Variants in MPHOSPH8 observed in about 807,000 individuals in gnomAD.
MPHOSPH8 encodes the protein M-phase phosphoprotein 8, also known as M-phase phosphoprotein, mpp.
MPHOSPH8 carries 45 observed loss-of-function variants against 87.3 expected under a neutral mutation model. The ratio of observed to expected loss-of-function variants is 0.52; its 90% confidence interval spans 0.41 to 0.66. The LOEUF is 0.66. MPHOSPH8 is among the 30% of genes least tolerant of loss of function. The pLI is 0.00. For synonymous variants in MPHOSPH8, 366 were observed against 376.9 expected, an observed-to-expected ratio of 0.97 and a Z score of 0.33; for missense variants, 883 against 1,020.2, an observed-to-expected ratio of 0.87 and a Z score of 1.83.
chr13:19,653,587 CAGA>C (rs2137522233), intron 5 of MPHOSPH8, among the ~76,000 whole-genome samples: 1 of 152,284 alleles, frequency 6.6e-6, no homozygotes, highest in African/African-American at 2.4e-5. Context: ...AAGTAGGCTT[CAGA>C]AGGTGGGTAA....
chr13:19,636,842 G>A (rs950298292), intron 1 of MPHOSPH8, among the ~76,000 whole-genome samples: 4 of 152,024 alleles, frequency 2.6e-5, no homozygotes, highest in Non-Finnish European at 5.9e-5. Context: ...GGTAGAATAG[G>A]GGTCTGCCTT....
intron 9 of MPHOSPH8, 61 bp from the exon 10 acceptor site, chr13:19,666,364 G>GACC (rs1397717832): frequency 6.6e-7 from 1 of 1,514,994 alleles, no homozygotes; most frequent in African/African-American, 1.4e-5. Flanking sequence ...ATGGAGAAGG[G>GACC]ACCAGCACCC....
intron 5 of MPHOSPH8, among the ~76,000 whole-genome samples, chr13:19,650,653 A>G (rs763062327): frequency 4.6e-5 from 7 of 152,186 alleles, no homozygotes; most frequent in Non-Finnish European, 5.9e-5. Flanking sequence ...TTATATTATA[A>G]ATGCTGTCCT....
At chr13:19,667,872 A>T (rs1379047172) in intron 10 of MPHOSPH8, among the ~76,000 whole-genome samples, 4 of 152,196 alleles carry the variant, frequency 2.6e-5, no homozygotes, top group Non-Finnish European at 5.9e-5. Flanking sequence ...CATGTATCAG[A>T]CAGTAGCGAA....
At chr13:19,650,497 AT>A (rs1874785618) in intron 5 of MPHOSPH8, 3 of 380,266 alleles carry the variant, frequency 7.9e-6, no homozygotes, top group Middle Eastern at 7.0e-4. Flanking sequence ...AAATTAAAAG[AT>A]TTCTGATTTT....
In MPHOSPH8 at chr13:19,661,806, G is replaced by A. The variant is rs376405101; in HGVS notation, c.1900G>A (p.Gly634Arg). The A allele has an allele frequency of 6.2e-6, 10 of 1,612,868 alleles. No individual in the cohort carries two copies. The highest frequency in any genetic ancestry group is 1.3e-5 in the African/African-American group (1 of 74,868). The change falls in exon 8 of 14, where the codon GGG becomes AGG. Residue 634 changes from glycine to arginine, a missense_variant. Gly to Arg is a moderately radical substitution (Grantham distance 125). Around this residue, in one of 3 missense-constraint regions of MPHOSPH8, gnomAD observed 741 missense variants for 841.5 expected, o/e 0.88. Transcript: ENST00000361479. ...GAKVNGRQKNGTTALIHAAEK... is the reference protein window; with the variant it reads ...GAKVNGRQKNRTTALIHAAEK... ...GAAAGTGAACGGTCGGCAGAAGAAC[G>A]GGACCACCGCCCTCATTCATGCTGC...
chr13:19,659,910 A>C (rs1410945037), intron 7 of MPHOSPH8, among the ~76,000 whole-genome samples: 1 of 147,482 alleles, frequency 6.8e-6, no homozygotes, highest in African/African-American at 2.5e-5. Context: ...ACAATGGTCC[A>C]TCTCTCCTGT....
At position 19,661,759 on chromosome 13, in the gene MPHOSPH8, G is replaced by A. The variant is rs778850982; in HGVS notation, c.1853G>A (p.Arg618Gln). The A allele has an allele frequency of 2.5e-6, 4 of 1,612,890 alleles. No homozygotes were observed. The highest frequency in any genetic ancestry group is 3.4e-6 in the Non-Finnish European group (4 of 1,179,378). The change falls in exon 8 of 14, where the codon CGA (arginine) becomes CAA (glutamine). Residue 618 changes from arginine (R) to glutamine (Q), a missense_variant. Coordinates refer to ENST00000361479, the MANE Select transcript of MPHOSPH8 (RefSeq NM_017520.4). ...GCCGGAGGGCAGGACGACCTCCTGC[G>A]ACTCCTCATCACAAAAGGCGCGAAA... ...AAAGGQDDLL[R>Q]LLITKGAKVN...
intron 8 of MPHOSPH8, 100 bp downstream of exon 8, chr13:19,661,938 CA>C (rs1324150100): frequency 7.9e-7 from 1 of 1,261,902 alleles, no homozygotes; most frequent in Admixed American, 3.0e-5. Context: ...GTCACATGGT[CA>C]CATCGCTTTT....
intron 3 of MPHOSPH8, 42 bp from the exon 4 acceptor site, chr13:19,648,380 A>T: frequency 7.6e-7 from 1 of 1,311,694 alleles, no homozygotes; most frequent in Non-Finnish European, 1.1e-6. Context: ...TACAGTGTCA[A>T]CTCTTTATCC....
rs918175044 is a variant in MPHOSPH8 at position 19,656,542 on chromosome 13, T to C, written c.1577-2453T>C. ...TGGGAGGCCGAGGCGGGTGGCTCAT[T>C]TGAGGTCAGGATTTTGAGACCAGCC... On this transcript the variant is annotated intron_variant, in intron 5 of 13. Coordinates refer to ENST00000361479, the MANE Select transcript of MPHOSPH8 (RefSeq NM_017520.4). 2.0e-5 allele frequency among the ~76,000 whole-genome samples: 3 copies of C among 151,922 alleles called. No individual in the cohort carries two copies. The South Asian group carries it at 6.2e-4, about 32-fold the overall frequency.
At chr13:19,653,278 C>T (rs754259081) in intron 5 of MPHOSPH8, among the ~76,000 whole-genome samples, 8 of 152,314 alleles carry the variant, frequency 5.3e-5, no homozygotes, top group South Asian at 2.1e-4. Context: ...GCTGGTGATA[C>T]CCAGGCAAAC....
chr13:19,668,664 T>G, intron 11 of MPHOSPH8, 133 bp downstream of exon 11: 99 of 956,954 alleles, frequency 1.0e-4, no homozygotes, highest in Non-Finnish European at 1.4e-4. Flanking sequence ...GCAGACCGGT[T>G]AACAGTAGAG....
intron 5 of MPHOSPH8, among the ~76,000 whole-genome samples, chr13:19,656,868 G>GC (rs1375986696): frequency 6.6e-6 from 1 of 151,806 alleles, no homozygotes; most frequent in African/African-American, 2.4e-5. Context: ...GGTGGCTCAC[G>GC]CCTGTAATCC....
chr13:19,639,591 G>A (rs952624382), intron 1 of MPHOSPH8, among the ~76,000 whole-genome samples: 2 of 152,050 alleles, frequency 1.3e-5, no homozygotes, highest in African/African-American at 4.8e-5. Flanking sequence ...TTACAGGTGT[G>A]AGCCACCACA....
chr13:19,636,299 A>G lies in MPHOSPH8; in HGVS notation c.213+2338A>G, dbSNP rs74038309. Among the ~76,000 whole-genome samples the G allele has an allele frequency of 7.6e-3, 1,151 of 152,312 alleles. 17 individuals are homozygous for G. The highest frequency in any genetic ancestry group is 0.026 in the African/African-American group (1,066 of 41,560). ...ATAGTCTAGTCTATAGTCTATAATC[A>G]GAAACACTTACAATTGATTCACTTT... On this transcript the variant is annotated intron_variant, in intron 1 of 13. Transcript: ENST00000361479.
chr13:19,638,100 CAAAAA>C (rs56291104), intron 1 of MPHOSPH8, among the ~76,000 whole-genome samples: 1 of 132,302 alleles, frequency 7.6e-6, no homozygotes, highest in African/African-American at 2.7e-5. Context: ...GACTCCATCT[CAAAAA>C]AAAAAAAAAG....
chr13:19,660,420 T>C (rs1875463069), intron 7 of MPHOSPH8, among the ~76,000 whole-genome samples: 2 of 152,196 alleles, frequency 1.3e-5, no homozygotes, highest in Non-Finnish European at 2.9e-5. Context: ...TTGTCTTGCT[T>C]AGAAAATATT....
At chr13:19,659,390 G>A (rs550800007) in intron 7 of MPHOSPH8, 101 bp downstream of exon 7, 83 of 980,246 alleles carry the variant, frequency 8.5e-5, no homozygotes, top group Middle Eastern at 3.3e-4. Context: ...AAGGCTGGGC[G>A]TGGTGGTGCA....
Sources: gnomAD v4.1 joint callset for allele counts (sites outside exome capture counted in the v4.1 genomes callset) on GRCh38, gnomAD v4.1.1 for gene constraint, gnomAD v4.1.1 regional missense constraint, MANE v1.5 for transcripts, NCBI Gene and HGNC (gene_info 2026-07-23, HGNC 2026-07-21) for gene names.